FCMR: variants seen among roughly 807,000 people sequenced by gnomAD.
FCMR encodes the protein Fc mu receptor.
A neutral mutation model predicts 41.6 loss-of-function variants in FCMR; 34 were observed. That is an observed-to-expected ratio of 0.82 (90% CI 0.62 to 1.09). The LOEUF (loss-of-function observed/expected upper bound fraction) is 1.09, where lower values mean the gene tolerates loss of function less well. FCMR is among the 50% of genes least tolerant of loss of function. The pLI, the probability that FCMR is intolerant of heterozygous loss-of-function variation, is 0.00. For synonymous variants in FCMR, 209 were observed against 211.8 expected (o/e 0.99, Z 0.12); for missense variants, 496 against 512.5 (o/e 0.97, Z 0.31).
At chr1:206,906,261 C>G (rs966521760) in intron 7 of FCMR, 3 of 377,474 alleles carry the variant, frequency 7.9e-6, no homozygotes, top group South Asian at 7.7e-5. Context: ...GAGAGATGAT[C>G]AAGATAAAAT....
In FCMR at chr1:206,909,945, C is replaced by A; in HGVS notation, c.842-77G>T. On this transcript the variant is annotated intron_variant, in intron 5 of 7. Coordinates refer to ENST00000367091, the MANE Select transcript of FCMR (RefSeq NM_005449.5). The surrounding 1 kb of genome is among the most constrained non-coding windows in gnomAD (Gnocchi z 5.0). ...GCCACCCTCCCCAAACGAAAGGCTG[C>A]CTCCTCCCTCGGGCTTGGCAGTGTC... 1.5e-6 allele frequency: 2 copies of A among 1,342,284 alleles called. No individual in the cohort carries two copies. The allele number at this position is 1,342,284 out of a possible 1,614,324, so 83.1% of individuals were successfully genotyped here. A position where few individuals can be genotyped will look rare whatever the true frequency, so the allele number is the denominator to read the frequency against.
intron 5 of FCMR, 74 bp downstream of exon 5, chr1:206,910,136 G>A: frequency 7.0e-7 from 1 of 1,430,354 alleles, no homozygotes; most frequent in Non-Finnish European, 9.2e-7. Flanking sequence ...TCCCATGGAA[G>A]TTCAAAAGGG....
Position 206,910,252 on chromosome 1 carries a change from G to A in FCMR, c.799C>T (p.Leu267Phe), listed in dbSNP as rs1015080050. ...GCCCTTTTCACCACCAGCCCCAGAA[G>A]TGCCAGCAGGAAAAGGCCCAGGATG... The part of the protein sequence containing the change: ...PTILGLFLLA[L>F]LGLVVKRAVE... The change falls in exon 5 of 8, where the codon CTT becomes TTT. Residue 267 changes from leucine to phenylalanine, a missense_variant. Coordinates refer to ENST00000367091, the MANE Select transcript of FCMR (RefSeq NM_005449.5). 2.5e-6 allele frequency: 4 copies of A among 1,595,822 alleles called. No individual in the cohort carries two copies. In the African/African-American group the frequency reaches 4.0e-5, roughly 16 times the overall value.
intron 1 of FCMR, among the ~76,000 whole-genome samples, chr1:206,920,800 C>T (rs985815178): frequency 4.6e-5 from 7 of 152,174 alleles, no homozygotes; most frequent in Middle Eastern, 3.2e-3. Flanking sequence ...GTTCTTTTCC[C>T]GTCCATTTCC....
chr1:206,911,968 G>A lies in FCMR; in HGVS notation c.488-16C>T, dbSNP rs1194025119. On this transcript the variant is annotated splice_polypyrimidine_tract_variant and intron_variant, in intron 3 of 7. Transcript: ENST00000367091. Reference sequence around the variant, plus strand: ...GGTGTGGTAACTGCAGGAGGTAGCAGGAAAAAGGGATGTTCCTTTTATACA... The same window carrying A: ...GGTGTGGTAACTGCAGGAGGTAGCAAGAAAAAGGGATGTTCCTTTTATACA... 6.3e-7 allele frequency: 1 copy of A among 1,590,142 alleles called. No individual in the cohort carries two copies. The highest frequency in any genetic ancestry group is 8.6e-7 in the Non-Finnish European group (1 of 1,163,344).
intron 1 of FCMR, chr1:206,921,457 TG>T: frequency 2.4e-6 from 1 of 421,626 alleles, no homozygotes; most frequent in Non-Finnish European, 4.7e-6. Flanking sequence ...AAAAATTAGC[TG>T]GGCATGGTGG....
intron 1 of FCMR, among the ~76,000 whole-genome samples, chr1:206,917,118 G>A (rs6667117): frequency 0.013 from 1,990 of 152,212 alleles, 52 homozygotes; most frequent in African/African-American, 0.046. Flanking sequence ...ATATATAAAC[G>A]GATGTAAATA....
At chr1:206,905,745 C>T (rs945895415) in intron 7 of FCMR, among the ~76,000 whole-genome samples, 1 of 152,204 alleles carries the variant, frequency 6.6e-6, no homozygotes, top group Non-Finnish European at 1.5e-5. Context: ...GTTACTATCT[C>T]ATCCACTGAG....
At chr1:206,905,189 G>A in intron 7 of FCMR, 42 bp from the exon 8 acceptor site, 1 of 1,611,104 alleles carries the variant, frequency 6.2e-7, no homozygotes. Context: ...TGGGTAGGGT[G>A]ATTTTAATAT....
Position 206,909,743 on chromosome 1 carries a change from G to A in FCMR, c.967C>T (p.Arg323Cys), listed in dbSNP as rs1277415546. ...NIYSACPRRA[R>C]GADAAGTGEA... ...GGCTCACCTGCAGCGTCCGCTCCAC[G>A]AGCGCGCCGCGGGCAGGCGCTGTAG... The change falls in exon 6 of 8, where the codon CGT becomes TGT. Residue 323 changes from arginine (R) to cysteine (C), a missense_variant. Coordinates refer to ENST00000367091, the MANE Select transcript of FCMR (RefSeq NM_005449.5). The surrounding 1 kb of genome is among the most constrained non-coding windows in gnomAD (Gnocchi z 5.0). The A allele has an allele frequency of 2.7e-6, 4 of 1,462,424 alleles. No individual in the cohort carries two copies. Among genetic ancestry groups the A allele is most frequent in the Admixed American group, 2.7e-5 (1 of 37,190 alleles). 90.6% of individuals were successfully genotyped at this position (1,462,424 alleles called of 1,614,324 possible).
Position 206,920,454 on chromosome 1 carries a change from CA to C in FCMR, c.37+1363del, listed in dbSNP as rs10693146. On this transcript the variant is annotated intron_variant, in intron 1 of 7. Transcript: ENST00000367091. Reference sequence around the variant, plus strand: ...GGGGCAACAGAGAGAGACTCTGTCTCAAAAAAAAAAAAAAAAAGGTGAAGGT... The same window carrying C: ...GGGGCAACAGAGAGAGACTCTGTCTCAAAAAAAAAAAAAAAAGGTGAAGGT... Among the ~76,000 whole-genome samples the C allele has an allele frequency of 3.1e-3, 343 of 111,122 alleles. 1 individual carries two copies. Among genetic ancestry groups the C allele is most frequent in the South Asian group, 8.8e-3 (25 of 2,842 alleles). 72.9% of individuals were successfully genotyped at this position (111,122 alleles called of 152,430 possible). A position where few individuals can be genotyped will look rare whatever the true frequency, so the allele number is the denominator to read the frequency against.
At chr1:206,918,821 C>T (rs1215382650) in intron 1 of FCMR, among the ~76,000 whole-genome samples, 1 of 152,072 alleles carries the variant, frequency 6.6e-6, no homozygotes, top group Non-Finnish European at 1.5e-5. Flanking sequence ...CTACACAGGG[C>T]TCCAGGCAAA....
At position 206,909,599 on chromosome 1, in the gene FCMR, C is replaced by T; in HGVS notation, c.986-79G>A. ...TCATGCTACTACTCCCAGCTCCACCCCCGCCCCACTCCCAGCTCCACCCTG... is the reference window on the plus strand; with the variant it reads ...TCATGCTACTACTCCCAGCTCCACCTCCGCCCCACTCCCAGCTCCACCCTG... On this transcript the variant is annotated intron_variant, in intron 6 of 7. Coordinates refer to ENST00000367091, the MANE Select transcript of FCMR (RefSeq NM_005449.5). The surrounding 1 kb of genome is among the most constrained non-coding windows in gnomAD (Gnocchi z 5.0). The T allele has an allele frequency of 7.8e-7, 1 of 1,277,430 alleles. No individual in the cohort carries two copies. The highest frequency in any genetic ancestry group is 1.0e-6 in the Non-Finnish European group (1 of 995,100). 79.1% of individuals were successfully genotyped at this position (1,277,430 alleles called of 1,614,324 possible).
At chr1:206,918,453 C>A (rs1445952147) in intron 1 of FCMR, among the ~76,000 whole-genome samples, 1 of 152,134 alleles carries the variant, frequency 6.6e-6, no homozygotes, top group African/African-American at 2.4e-5. Flanking sequence ...TTCCTCTGAG[C>A]TCCAGACTTG....
At chr1:206,913,495 G>T in intron 2 of FCMR, 1 of 532,268 alleles carries the variant, frequency 1.9e-6, no homozygotes, top group Non-Finnish European at 3.3e-6. Context: ...TCAATCTCAA[G>T]CCTCTACTCC....
chr1:206,909,598 C>A lies in FCMR; in HGVS notation c.986-78G>T, dbSNP rs570564526. ...GTCATGCTACTACTCCCAGCTCCAC[C>A]CCCGCCCCACTCCCAGCTCCACCCT... On this transcript the variant is annotated intron_variant, in intron 6 of 7. Coordinates refer to ENST00000367091, the MANE Select transcript of FCMR (RefSeq NM_005449.5). The surrounding 1 kb of genome is among the most constrained non-coding windows in gnomAD (Gnocchi z 5.0). The A allele has an allele frequency of 4.7e-6, 6 of 1,275,124 alleles. No individual in the cohort carries two copies. The highest frequency in any genetic ancestry group is 6.0e-6 in the Non-Finnish European group (6 of 993,080). 79.0% of individuals were successfully genotyped at this position (1,275,124 alleles called of 1,614,324 possible). A position where few individuals can be genotyped will look rare whatever the true frequency, so the allele number is the denominator to read the frequency against.
intron 7 of FCMR, among the ~76,000 whole-genome samples, chr1:206,908,640 G>T (rs960731837): frequency 3.3e-5 from 5 of 152,006 alleles, no homozygotes; most frequent in African/African-American, 9.7e-5. Context: ...CATAGACTGG[G>T]AAGATGTGCG....
At chr1:206,908,849 T>C (rs764988879) in intron 7 of FCMR, among the ~76,000 whole-genome samples, 1 of 152,204 alleles carries the variant, frequency 6.6e-6, no homozygotes, top group African/African-American at 2.4e-5. Context: ...TTCTTAAAGA[T>C]GAACGGATAA....
rs1469946691 is a variant in FCMR, at chr1:206,903,794, G to C, written c.*1225C>G. ...GAGTGTCAAGCTGACCTTGCTGATG[G>C]TGACATTGCACCTGGATGTACTATC... On this transcript the variant is annotated 3_prime_UTR_variant, in exon 8 of 8. Coordinates refer to ENST00000367091, the MANE Select transcript of FCMR (RefSeq NM_005449.5). 6.6e-6 allele frequency: 1 copy of C among 151,966 alleles called. No individual in the cohort carries two copies. The highest frequency in any genetic ancestry group is 1.5e-5 in the Non-Finnish European group (1 of 68,024). The allele number at this position is 151,966 out of a possible 1,614,324, so 9.4% of individuals were successfully genotyped here. A position where few individuals can be genotyped will look rare whatever the true frequency, so the allele number is the denominator to read the frequency against.
Sources: gnomAD v4.1 joint callset for allele counts (sites outside exome capture counted in the v4.1 genomes callset) on GRCh38, gnomAD v4.1.1 for gene constraint, Gnocchi (gnomAD v3.1) non-coding constraint, MANE v1.5 for transcripts, NCBI Gene and HGNC (gene_info 2026-07-23, HGNC 2026-07-21) for gene names.